TBC1D22A: variants seen among roughly 807,000 people sequenced by gnomAD.
The protein encoded by TBC1D22A is putative GTPase activator.
A neutral mutation model predicts 60.2 loss-of-function variants in TBC1D22A; 38 were observed. The observed-to-expected ratio is 0.63, with a 90% CI of 0.49 to 0.83. The LOEUF is 0.83. Ranked by LOEUF, TBC1D22A falls within the 40% of genes least tolerant of loss-of-function variation. The pLI is 0.00. For synonymous variants in TBC1D22A, 302 were observed against 281.7 expected (o/e 1.07, Z -0.72); for missense variants, 628 against 701.0 (o/e 0.90, Z 1.18).
rs141562909 is a variant in TBC1D22A, at chr22:46,797,508, G to A, written c.525G>A (p.Thr175=). 3 of 1,613,976 alleles carry A rather than the reference G, an allele frequency of 1.9e-6. No homozygotes were observed. The highest frequency in any genetic ancestry group is 2.5e-6 in the Non-Finnish European group (3 of 1,180,028). ...SQSLPHSATV[T]LGGTSDPSTL... The stretch of plus-strand genomic sequence containing the variant: ...CTCTCCCACACTCGGCCACCGTCAC[G>A]CTGGGTGGCACATCTGACCCCAGCA... Residue 175 remains threonine (T), a synonymous_variant, in exon 4 of 13, where the codon ACG becomes ACA. Transcript: ENST00000337137.
intron 4 of TBC1D22A, among the ~76,000 whole-genome samples, chr22:46,821,934 CTTTTTCATTCT>C (rs898341495): frequency 6.7e-6 from 1 of 149,934 alleles, no homozygotes; most frequent in Non-Finnish European, 1.5e-5. Context: ...TTTGTTCATT[CTTTTTCATTCT>C]TTTTTCTCTA....
chr22:47,147,028 A>G (rs961217205), intron 12 of TBC1D22A, among the ~76,000 whole-genome samples: 1 of 152,230 alleles, frequency 6.6e-6, no homozygotes, highest in Non-Finnish European at 1.5e-5. Context: ...GAGTGGGAAG[A>G]CACAGCGTCA....
intron 11 of TBC1D22A, among the ~76,000 whole-genome samples, chr22:47,084,206 A>G (rs1181663799): frequency 1.3e-5 from 2 of 152,346 alleles, no homozygotes; most frequent in African/African-American, 4.8e-5. Flanking sequence ...TTTCTCAGTC[A>G]CACTCGTCAC....
At position 46,912,173 on chromosome 22, in the gene TBC1D22A, A is replaced by G. The variant is rs369108625; in HGVS notation, c.1000A>G (p.Ile334Val). The part of the protein sequence containing the change: ...DLVTPFFVVF[I>V]CEYIEAEEVD... ...CGTCACTCCTTTCTTTGTGGTCTTC[A>G]TTTGTGAATACATAGGTAAGATTTC... The change falls in exon 8 of 13, where the codon ATT becomes GTT. Residue 334 changes from isoleucine to valine, a missense_variant. Ile to Val is a conservative substitution (Grantham distance 29, BLOSUM62 3). Transcript: ENST00000337137. 1.7e-5 allele frequency: 28 copies of G among 1,612,758 alleles called. No homozygotes were observed. The African/African-American group carries it at 3.5e-4, about 20-fold the overall frequency.
chr22:46,975,311 G>A (rs564355952), intron 9 of TBC1D22A, among the ~76,000 whole-genome samples: 12 of 152,258 alleles, frequency 7.9e-5, no homozygotes, highest in East Asian at 1.9e-4. Context: ...GAAGGCACTC[G>A]ACCCCAAAGA....
At chr22:46,941,523 C>CACGGAATATATATACACGGAATATATAT (rs1569248371) in intron 8 of TBC1D22A, among the ~76,000 whole-genome samples, 7 of 134,422 alleles carry the variant, frequency 5.2e-5, no homozygotes, top group African/African-American at 2.0e-4. Context: ...AATATATATA[C>CACGGAATATATATACACGGAATATATAT]ACGGAATATA....
intron 11 of TBC1D22A, among the ~76,000 whole-genome samples, chr22:47,093,517 A>G (rs2065060516): frequency 6.6e-6 from 1 of 152,158 alleles, no homozygotes; most frequent in South Asian, 2.1e-4. Context: ...CCCATCGGAA[A>G]GGCTGGCTAG....
At chr22:46,989,576 G>A (rs976755635) in intron 9 of TBC1D22A, among the ~76,000 whole-genome samples, 8 of 152,016 alleles carry the variant, frequency 5.3e-5, no homozygotes, top group Admixed American at 2.0e-4. Flanking sequence ...GGGAACTGCC[G>A]GTCAGCGGGG....
intron 8 of TBC1D22A, among the ~76,000 whole-genome samples, chr22:46,923,869 A>G (rs1005102645): frequency 2.0e-5 from 3 of 152,174 alleles, no homozygotes; most frequent in African/African-American, 7.2e-5. Flanking sequence ...ATAATGCTCT[A>G]TTGAGATCAT....
At chr22:47,137,818 G>T (rs1475334111) in intron 12 of TBC1D22A, among the ~76,000 whole-genome samples, 1 of 152,294 alleles carries the variant, frequency 6.6e-6, no homozygotes, top group African/African-American at 2.4e-5. Context: ...GGGGAGTCGG[G>T]AGTGGAGAGT....
At chr22:46,861,625 A>G (rs755277691) in intron 4 of TBC1D22A, among the ~76,000 whole-genome samples, 2 of 152,202 alleles carry the variant, frequency 1.3e-5, no homozygotes, top group Non-Finnish European at 2.9e-5. Context: ...AGCGGTGCCC[A>G]TGTTCTACTG....
Position 46,762,824 on chromosome 22 carries a change from G to T in TBC1D22A, c.38G>T (p.Arg13Leu). The T allele has an allele frequency of 2.7e-6, 4 of 1,461,510 alleles. No individual in the cohort carries two copies. Among genetic ancestry groups the T allele is most frequent in the Non-Finnish European group, 2.7e-6 (3 of 1,113,660 alleles). The allele number at this position is 1,461,510 out of a possible 1,614,324, so 90.5% of individuals were successfully genotyped here. The change falls in exon 1 of 13, where the codon CGC becomes CTC. Residue 13 changes from arginine (R) to leucine (L), a missense_variant. Coordinates refer to ENST00000337137, the MANE Select transcript of TBC1D22A (RefSeq NM_014346.5). ...SDGARKQFWK[R>L]SNSKLPGSIQ... ...GGGGCCAGGAAGCAATTCTGGAAGC[G>T]CAGCAACAGCAAGCTCCCGGGCAGG...
Position 46,974,331 on chromosome 22 carries a change from G to C in TBC1D22A, c.1057G>C (p.Ala353Pro). 6.2e-7 allele frequency: 1 copy of C among 1,608,244 alleles called. No homozygotes were observed. The highest frequency in any genetic ancestry group is 8.5e-7 in the Non-Finnish European group (1 of 1,177,552). Residue 353 changes from alanine (A) to proline (P), a missense_variant, in exon 9 of 13, where the codon GCA (alanine) becomes CCA (proline). Ala to Pro is a conservative substitution (Grantham distance 27). Coordinates refer to ENST00000337137, the MANE Select transcript of TBC1D22A (RefSeq NM_014346.5). ...CACGGTGGACGTCTCCGGCGTGCCC[G>C]CAGAGGTGCTGTGCAACATCGAGGC... ...VDTVDVSGVP[A>P]EVLCNIEADT...
chr22:47,006,133 T>C (rs1420574359), intron 10 of TBC1D22A, among the ~76,000 whole-genome samples: 1 of 152,246 alleles, frequency 6.6e-6, no homozygotes, highest in African/African-American at 2.4e-5. Flanking sequence ...TATGTTTCCA[T>C]ATTCTTGGGG....
Position 46,793,745 on chromosome 22 carries a change from C to T in TBC1D22A, c.364C>T (p.Gln122Ter), listed in dbSNP as rs971787175. The T allele has an allele frequency of 1.2e-6, 2 of 1,604,800 alleles. No individual in the cohort carries two copies. The highest frequency in any genetic ancestry group is 1.7e-6 in the Non-Finnish European group (2 of 1,177,216). The change falls in exon 3 of 13, where the codon CAG becomes TAG. Residue 122 changes from glutamine (Q) to a stop codon, truncating the protein, a stop_gained. Coordinates refer to ENST00000337137, the MANE Select transcript of TBC1D22A (RefSeq NM_014346.5). LOFTEE classifies it high-confidence loss of function. ...PTLQEGPGLQ[Q>*]KPRPEAEPPS... ...GCTGCAGGAGGGGCCAGGGCTTCAG[C>T]AGAAGCCCAGGCCCGAGGCAGAGCC...
intron 11 of TBC1D22A, among the ~76,000 whole-genome samples, chr22:47,092,740 CAG>C (rs2065026559): frequency 6.6e-6 from 1 of 152,214 alleles, no homozygotes; most frequent in African/African-American, 2.4e-5. Context: ...GTTCAGTCTA[CAG>C]AGAGAGTTGA....
At chr22:47,143,727 G>A (rs191258552) in intron 12 of TBC1D22A, among the ~76,000 whole-genome samples, 4 of 152,324 alleles carry the variant, frequency 2.6e-5, no homozygotes, top group East Asian at 1.9e-4. Context: ...TGCATGCATC[G>A]CGTGTACCCA....
intron 8 of TBC1D22A, among the ~76,000 whole-genome samples, chr22:46,946,568 A>G (rs2072556844): frequency 2.6e-5 from 4 of 152,218 alleles, no homozygotes. Context: ...TCATCCACAG[A>G]AGCACTGAGT....
chr22:46,839,123 G>A (rs567680650), intron 4 of TBC1D22A, among the ~76,000 whole-genome samples: 4 of 152,226 alleles, frequency 2.6e-5, no homozygotes, highest in African/African-American at 9.6e-5. Context: ...AAAACTGTTG[G>A]AACTAATATA....
Sources: allele counts gnomAD v4.1 joint callset (sites outside exome capture counted in the v4.1 genomes callset), GRCh38; gene constraint gnomAD v4.1.1; transcripts MANE v1.5; gene names NCBI Gene and HGNC (gene_info 2026-07-23, HGNC 2026-07-21).